Variants in CIITA observed in about 807,000 individuals in gnomAD.
CIITA encodes class II major histocompatibility complex transactivator.
CIITA carries 72 observed loss-of-function variants against 115.1 expected under a neutral mutation model. That is an observed-to-expected ratio of 0.63 (90% CI 0.52 to 0.76). The LOEUF is 0.76. Ranked by LOEUF, CIITA falls within the 30% of genes least tolerant of loss-of-function variation. CIITA has a pLI of 0.00. For missense variants in CIITA, 1,617 were observed against 1,463.8 expected (o/e 1.10, Z -1.71); for synonymous variants, 763 against 635.6 (o/e 1.20, Z -3.02).
At chr16:10,937,526 C>T (rs1051214075), downstream of CIITA, 1 of 152,232 alleles carries the variant, frequency 6.6e-6, no homozygotes, top group Admixed American at 6.5e-5. This position sits in a 1 kb window ranked among gnomAD's most constrained non-coding sequence, Gnocchi z 4.2. Flanking sequence ...ACCAATGCAT[C>T]GATAACCCTC....
intron 1 of CIITA, among the ~76,000 whole-genome samples, chr16:10,883,708 G>A (rs545177319): frequency 1.3e-5 from 2 of 152,318 alleles, no homozygotes; most frequent in Non-Finnish European, 1.5e-5. Flanking sequence ...AGCCAAGTAG[G>A]AGATGGAGAT....
intron 1 of CIITA, among the ~76,000 whole-genome samples, chr16:10,888,113 A>G (rs1413098907): frequency 1.3e-5 from 2 of 152,204 alleles, no homozygotes; most frequent in Non-Finnish European, 2.9e-5. Context: ...AATAATAAAA[A>G]TGGTCATCAC....
chr16:10,917,946 T>C (rs1299599801), intron 15 of CIITA, among the ~76,000 whole-genome samples: 1 of 152,236 alleles, frequency 6.6e-6, no homozygotes, highest in Non-Finnish European at 1.5e-5. Flanking sequence ...TAGGTAACAC[T>C]GTAAGCTAGA....
chr16:10,897,727 G>A (rs2038275056), intron 3 of CIITA, among the ~76,000 whole-genome samples: 1 of 152,262 alleles, frequency 6.6e-6, no homozygotes, highest in African/African-American at 2.4e-5. Context: ...AAAGCATTTA[G>A]AAAAGGAATT....
intron 1 of CIITA, among the ~76,000 whole-genome samples, chr16:10,893,652 T>C (rs966339567): frequency 6.6e-6 from 1 of 151,476 alleles, no homozygotes; most frequent in Non-Finnish European, 1.5e-5. Context: ...CTACTAAAAA[T>C]GCAAAAATTA....
intron 1 of CIITA, among the ~76,000 whole-genome samples, chr16:10,880,669 C>G (rs2036334115): frequency 6.6e-6 from 1 of 152,136 alleles, no homozygotes; most frequent in Non-Finnish European, 1.5e-5. Context: ...GGTTTCATGT[C>G]CTAAGACCCA....
At chr16:10,866,742 G>C (rs1309850669) in intron 1 of CIITA, among the ~76,000 whole-genome samples, 2 of 152,224 alleles carry the variant, frequency 1.3e-5, no homozygotes, top group Non-Finnish European at 2.9e-5. Flanking sequence ...TCTGTTGCTG[G>C]GTGTGCTGGA....
chr16:10,916,243 T>G, intron 14 of CIITA, 124 bp from the exon 15 acceptor site: 2 of 837,500 alleles, frequency 2.4e-6, no homozygotes, highest in Non-Finnish European at 4.0e-6. Context: ...CGGCTGCCTA[T>G]GGTGTATTAG....
intron 1 of CIITA, among the ~76,000 whole-genome samples, chr16:10,889,708 G>A (rs559154988): frequency 9.5e-4 from 145 of 152,114 alleles, no homozygotes; most frequent in African/African-American, 3.3e-3. Context: ...TAGTAGAGAC[G>A]GGATTTCACC....
At chr16:10,867,499 G>C (rs2035167474) in intron 1 of CIITA, among the ~76,000 whole-genome samples, 1 of 151,444 alleles carries the variant, frequency 6.6e-6, no homozygotes, top group Admixed American at 6.6e-5. Flanking sequence ...GGGAGGGAGA[G>C]GAAGGAAGGT....
chr16:10,881,689 A>T (rs1248720648), intron 1 of CIITA, among the ~76,000 whole-genome samples: 3 of 152,240 alleles, frequency 2.0e-5, no homozygotes, highest in African/African-American at 4.8e-5. Context: ...ATAACATAAA[A>T]TTTACCATTT....
intron 1 of CIITA, among the ~76,000 whole-genome samples, chr16:10,885,738 T>C (rs1326217881): frequency 1.3e-5 from 2 of 152,146 alleles, no homozygotes; most frequent in African/African-American, 4.8e-5. Context: ...AGACAGCCTG[T>C]GGGGTGGCAA....
At chr16:10,890,487 A>G (rs1457470732) in intron 1 of CIITA, among the ~76,000 whole-genome samples, 1 of 152,118 alleles carries the variant, frequency 6.6e-6, no homozygotes, top group Non-Finnish European at 1.5e-5. Flanking sequence ...GGGCTTCACC[A>G]TGTTGCCCAG....
At chr16:10,898,871 C>T in intron 4 of CIITA, 54 bp from the exon 5 acceptor site, 1 of 1,607,636 alleles carries the variant, frequency 6.2e-7, no homozygotes, top group Non-Finnish European at 8.5e-7. Context: ...AATAGAGACT[C>T]ACCTTGGGCT....
Position 10,923,450 on chromosome 16 carries a change from C to T in CIITA, c.*22+125C>T, listed in dbSNP as rs571370882. 35 of 731,404 alleles carry T rather than the reference C, an allele frequency of 4.8e-5. No homozygotes were observed. Among genetic ancestry groups the T allele is most frequent in the South Asian group, 1.4e-4 (9 of 65,484 alleles). The allele number at this position is 731,404 out of a possible 1,614,324, so 45.3% of individuals were successfully genotyped here. The stretch of plus-strand genomic sequence containing the variant: ...CTAGGCCACCACCCTTGGACGCATG[C>T]GTCATCAGAGACATCCCCTCATCTC... On this transcript the variant is annotated intron_variant, in intron 19 of 19. Transcript: ENST00000324288. The surrounding 1 kb of genome is among the most constrained non-coding windows in gnomAD (Gnocchi z 5.2).
At position 10,907,711 on chromosome 16, in the gene CIITA, C is replaced by T; in HGVS notation, c.2219C>T (p.Thr740Ile). Residue 740 changes from threonine to isoleucine, a missense_variant, in exon 11 of 20, where the codon ACC (threonine) becomes ATC (isoleucine). Coordinates refer to ENST00000324288, the MANE Select transcript of CIITA (RefSeq NM_000246.4). The surrounding 1 kb of genome is among the most constrained non-coding windows in gnomAD (Gnocchi z 5.0). ...DKELPQYLAL[T>I]PRKKRPYDNW... ...GAGCTCCCGCAGTACCTAGCATTGA[C>T]CCCAAGGAAGAAGAGGCCCTATGAC... 1 of 1,614,258 alleles carries T rather than the reference C, an allele frequency of 6.2e-7. No homozygotes were observed. The highest frequency in any genetic ancestry group is 8.5e-7 in the Non-Finnish European group (1 of 1,180,048).
At chr16:10,915,776 AC>A in intron 14 of CIITA, 126 bp downstream of exon 14, 1 of 855,482 alleles carries the variant, frequency 1.2e-6, no homozygotes, top group Non-Finnish European at 1.9e-6. Flanking sequence ...AGTAGCTGGG[AC>A]CACAGGTGCA....
chr16:10,868,173 C>T (rs926250233), intron 1 of CIITA, among the ~76,000 whole-genome samples: 6 of 152,162 alleles, frequency 3.9e-5, no homozygotes, highest in African/African-American at 9.7e-5. Context: ...ACAGCCTAAG[C>T]GCAATCTAGA....
At chr16:10,871,683 G>C (rs2035494898) in intron 1 of CIITA, among the ~76,000 whole-genome samples, 1 of 152,176 alleles carries the variant, frequency 6.6e-6, no homozygotes, top group East Asian at 1.9e-4. Flanking sequence ...AGAGGAGAGA[G>C]GCTGTGCCCT....
Sources: allele counts gnomAD v4.1 joint callset (sites outside exome capture counted in the v4.1 genomes callset), GRCh38; gene constraint gnomAD v4.1.1; non-coding constraint Gnocchi (gnomAD v3.1); transcripts MANE v1.5; gene names NCBI Gene and HGNC (gene_info 2026-07-23, HGNC 2026-07-21).